TAFA1: variants seen among roughly 807,000 people sequenced by gnomAD.
The protein encoded by TAFA1 is TAFA chemokine like family member 1.
In TAFA1, 4 loss-of-function variants were observed where a neutral mutation model predicts 18.5. The ratio of observed to expected loss-of-function variants is 0.22; its 90% confidence interval spans 0.11 to 0.49. The LOEUF is 0.49. Among genes scored for constraint, TAFA1 ranks in the 20% least tolerant of loss-of-function variants. The pLI, the probability that TAFA1 is intolerant of heterozygous loss-of-function variation, is 0.98. For synonymous variants in TAFA1, 56 were observed against 55.2 expected, an observed-to-expected ratio of 1.01 and a Z score of -0.06; for missense variants, 147 against 169.0, an observed-to-expected ratio of 0.87 and a Z score of 0.72.
At chr3:68,501,006 T>C (rs1479472115) in intron 3 of TAFA1, among the ~76,000 whole-genome samples, 12 of 151,580 alleles carry the variant, frequency 7.9e-5, no homozygotes. Flanking sequence ...ACAAAAAAAA[T>C]TAGCCAGGCA....
At chr3:68,305,023 C>G (rs68168813) in intron 2 of TAFA1, among the ~76,000 whole-genome samples, 1 of 151,874 alleles carries the variant, frequency 6.6e-6, no homozygotes, top group Non-Finnish European at 1.5e-5. Flanking sequence ...AAACTAAGTA[C>G]CACAGATTGG....
intron 2 of TAFA1, among the ~76,000 whole-genome samples, chr3:68,253,083 T>C (rs145759094): frequency 7.2e-4 from 109 of 152,322 alleles, no homozygotes; most frequent in African/African-American, 2.5e-3. Context: ...TTACCCACTC[T>C]TGGGTATGTC....
intron 2 of TAFA1, among the ~76,000 whole-genome samples, chr3:68,309,671 G>T (rs1390954025): frequency 6.6e-6 from 1 of 152,148 alleles, no homozygotes; most frequent in Admixed American, 6.5e-5. Flanking sequence ...TGTTGGCAGT[G>T]GCAGAAGCTG....
chr3:68,371,380 C>T (rs1471531118), intron 2 of TAFA1, among the ~76,000 whole-genome samples: 3 of 152,026 alleles, frequency 2.0e-5, no homozygotes, highest in East Asian at 1.9e-4. Context: ...CTCCCCTTGC[C>T]CCCAACCCCC....
intron 2 of TAFA1, among the ~76,000 whole-genome samples, chr3:68,373,062 G>A (rs2069743184): frequency 6.6e-6 from 1 of 152,152 alleles, no homozygotes; most frequent in African/African-American, 2.4e-5. Context: ...GTAAGCATCA[G>A]GAAGACATAG....
intron 3 of TAFA1, among the ~76,000 whole-genome samples, chr3:68,454,534 C>T (rs1418555359): frequency 6.6e-6 from 1 of 152,190 alleles, no homozygotes; most frequent in Non-Finnish European, 1.5e-5. Context: ...ACCTCTATGC[C>T]TATTCCTGAG....
At chr3:68,517,319 A>T (rs988806693) in intron 3 of TAFA1, among the ~76,000 whole-genome samples, 5 of 152,196 alleles carry the variant, frequency 3.3e-5, no homozygotes, top group African/African-American at 1.2e-4. Context: ...ATAGTAAGGT[A>T]ATAATGTTTC....
intron 2 of TAFA1, among the ~76,000 whole-genome samples, chr3:68,190,628 G>A (rs1209351862): frequency 6.6e-6 from 1 of 151,740 alleles, no homozygotes; most frequent in South Asian, 2.1e-4. Flanking sequence ...TTCAGCAGGT[G>A]CCCATGGGAT....
chr3:68,078,801 G>A (rs1575604782), intron 2 of TAFA1, among the ~76,000 whole-genome samples: 1 of 152,244 alleles, frequency 6.6e-6, no homozygotes, highest in South Asian at 2.1e-4. Flanking sequence ...GCCTGGCTTT[G>A]GTATCAGAAT....
At chr3:68,067,487 T>A (rs1229576913) in intron 2 of TAFA1, among the ~76,000 whole-genome samples, 1 of 152,166 alleles carries the variant, frequency 6.6e-6, no homozygotes, top group Non-Finnish European at 1.5e-5. Flanking sequence ...ATGTGGTTAT[T>A]GTGTTTATTT....
chr3:68,392,176 C>CAAA (rs57440480), intron 2 of TAFA1, among the ~76,000 whole-genome samples: 8 of 109,312 alleles, frequency 7.3e-5, no homozygotes, highest in African/African-American at 2.7e-4. Flanking sequence ...TTTAGGAAAG[C>CAAA]AAAAAAAAAA....
chr3:68,062,159 A>G (rs6548957), intron 2 of TAFA1, among the ~76,000 whole-genome samples: 147,602 of 152,224 alleles, frequency 0.97, 71,593 homozygotes, highest in African/African-American at 0.99. Context: ...TAGACTAAGT[A>G]GTCTCAAACC....
At chr3:68,138,409 C>T (rs1448079015) in intron 2 of TAFA1, among the ~76,000 whole-genome samples, 1 of 152,216 alleles carries the variant, frequency 6.6e-6, no homozygotes, top group Non-Finnish European at 1.5e-5. Context: ...ACATATTGTA[C>T]ATCAGGTTTT....
chr3:68,219,666 T>C (rs2066705905), intron 2 of TAFA1, among the ~76,000 whole-genome samples: 1 of 152,120 alleles, frequency 6.6e-6, no homozygotes, highest in Non-Finnish European at 1.5e-5. Flanking sequence ...TTTTAAACAT[T>C]TCACCTGATT....
At chr3:68,127,754 T>C (rs1484813661) in intron 2 of TAFA1, among the ~76,000 whole-genome samples, 1 of 117,656 alleles carries the variant, frequency 8.5e-6, no homozygotes, top group East Asian at 2.5e-4. Context: ...ATGGTAGCGG[T>C]GGTGATGCTG....
intron 2 of TAFA1, among the ~76,000 whole-genome samples, chr3:68,221,744 C>G (rs947643164): frequency 2.6e-5 from 4 of 152,084 alleles, no homozygotes; most frequent in Admixed American, 6.6e-5. Flanking sequence ...ATAGAATGAG[C>G]AAATGTACTG....
At chr3:68,047,278 C>T (rs1356279776) in intron 2 of TAFA1, among the ~76,000 whole-genome samples, 1 of 152,118 alleles carries the variant, frequency 6.6e-6, no homozygotes, top group Non-Finnish European at 1.5e-5. Flanking sequence ...CAGATGTTGA[C>T]ATAGACCCAC....
intron 2 of TAFA1, among the ~76,000 whole-genome samples, chr3:68,254,293 A>G (rs1190176796): frequency 2.0e-5 from 3 of 152,142 alleles, no homozygotes; most frequent in African/African-American, 7.2e-5. Flanking sequence ...TGGGACAAAG[A>G]CAGTGAAATA....
At chr3:68,268,957 G>C (rs543876691) in intron 2 of TAFA1, among the ~76,000 whole-genome samples, 1 of 152,042 alleles carries the variant, frequency 6.6e-6, no homozygotes, top group African/African-American at 2.4e-5. Context: ...AACTAATGTG[G>C]ATATTTCTTC....
Sources: gnomAD v4.1 joint callset for allele counts (sites outside exome capture counted in the v4.1 genomes callset) on GRCh38, gnomAD v4.1.1 for gene constraint, MANE v1.5 for transcripts, NCBI Gene and HGNC (gene_info 2026-07-23, HGNC 2026-07-21) for gene names.